The following TUSC3 variants were observed in gnomAD, a reference collection of about 807,000 sequenced individuals.
TUSC3 encodes the protein tumor suppressor candidate 3.
Under a neutral mutation model 44.8 loss-of-function variants are expected in TUSC3, and 45 were observed. The observed-to-expected ratio is 1.00, with a 90% CI of 0.79 to 1.29. The LOEUF is 1.29. TUSC3 is among the 50% of genes most tolerant of loss of function. The probability of loss-of-function intolerance (pLI) is 0.00; values close to 1 mark genes in which losing one functional copy is unlikely to be tolerated. For missense variants in TUSC3, 519 were observed against 437.9 expected (o/e 1.19, Z -1.65); for synonymous variants, 212 against 152.9 (o/e 1.39, Z -2.85).
chr8:15,729,047 T>A (rs896129115), intron 6 of TUSC3, among the ~76,000 whole-genome samples: 1 of 152,132 alleles, frequency 6.6e-6, no homozygotes, highest in Non-Finnish European at 1.5e-5. Flanking sequence ...GAGAAGATAC[T>A]GTTACTGAAA....
chr8:15,652,798 A>G (rs779093415), intron 3 of TUSC3, among the ~76,000 whole-genome samples: 15 of 152,302 alleles, frequency 9.8e-5, no homozygotes, highest in Non-Finnish European at 1.9e-4. Flanking sequence ...TAGATCCAAC[A>G]AGACTGCTAG....
At chr8:15,699,566 A>C (rs1027418067) in intron 6 of TUSC3, among the ~76,000 whole-genome samples, 1 of 152,246 alleles carries the variant, frequency 6.6e-6, no homozygotes, top group Non-Finnish European at 1.5e-5. Context: ...AAAAGATTAT[A>C]TGCAGAAACT....
At position 15,765,075 on chromosome 8, in the gene TUSC3, A is replaced by G. The variant is rs1812290263; in HGVS notation, c.*919A>G. 1 of 152,042 alleles carries G rather than the reference A, an allele frequency of 6.6e-6. No individual in the cohort carries two copies. The highest frequency in any genetic ancestry group is 2.4e-5 in the African/African-American group (1 of 41,434). 9.4% of individuals were successfully genotyped at this position (152,042 alleles called of 1,614,324 possible). A position where few individuals can be genotyped will look rare whatever the true frequency, so the allele number is the denominator to read the frequency against. ...AATGATTCAATGAAGCTTTCTTGAA[A>G]ACAAACATAGGAGTGTAATGTACTA... On this transcript the variant is annotated 3_prime_UTR_variant, in exon 11 of 11. Transcript: ENST00000503731.
At chr8:15,418,664 C>G (rs947904165) in intron 1 of TUSC3, among the ~76,000 whole-genome samples, 1 of 152,090 alleles carries the variant, frequency 6.6e-6, no homozygotes, top group Non-Finnish European at 1.5e-5. Flanking sequence ...AAGGTTAAGA[C>G]GAAGAGCTCA....
chr8:15,452,599 T>A (rs1233338109), intron 1 of TUSC3, among the ~76,000 whole-genome samples: 1 of 152,208 alleles, frequency 6.6e-6, no homozygotes, highest in African/African-American at 2.4e-5. Context: ...AGAAAGCAGA[T>A]AAGCTATAAG....
intron 2 of TUSC3, among the ~76,000 whole-genome samples, chr8:15,490,160 GAAC>G (rs1353454387): frequency 1.3e-5 from 2 of 152,090 alleles, no homozygotes; most frequent in African/African-American, 4.8e-5. Context: ...GGAAAAGCTA[GAAC>G]AACAAACAAG....
chr8:15,753,625 T>C (rs1811800633), intron 9 of TUSC3, among the ~76,000 whole-genome samples: 1 of 152,098 alleles, frequency 6.6e-6, no homozygotes, highest in Non-Finnish European at 1.5e-5. Context: ...TGGAGTCATC[T>C]TTTTATTCCA....
At chr8:15,709,353 A>G (rs1249530287) in intron 6 of TUSC3, among the ~76,000 whole-genome samples, 2 of 151,966 alleles carry the variant, frequency 1.3e-5, no homozygotes, top group East Asian at 3.9e-4. Flanking sequence ...CCCCAATCCA[A>G]GTATGAGATA....
chr8:15,580,813 G>A (rs1275298555), intron 1 of TUSC3, among the ~76,000 whole-genome samples: 5 of 140,858 alleles, frequency 3.5e-5, no homozygotes, highest in African/African-American at 5.6e-5. Flanking sequence ...TGCTCTTCTC[G>A]AGGAGTATCT....
At chr8:15,616,451 G>A (rs1804991247) in intron 1 of TUSC3, among the ~76,000 whole-genome samples, 2 of 152,260 alleles carry the variant, frequency 1.3e-5, no homozygotes, top group South Asian at 4.1e-4. Context: ...GGTGGCTCAC[G>A]CCTGTAATCA....
intron 2 of TUSC3, among the ~76,000 whole-genome samples, chr8:15,524,496 C>G (rs985306760): frequency 1.3e-4 from 19 of 151,982 alleles, no homozygotes; most frequent in African/African-American, 4.6e-4. Context: ...ATATTAAAGC[C>G]TATATTTTTT....
chr8:15,445,967 G>A (rs548975048), intron 1 of TUSC3, among the ~76,000 whole-genome samples: 9 of 149,330 alleles, frequency 6.0e-5, no homozygotes, highest in Non-Finnish European at 8.9e-5. Context: ...CCCACCTCGC[G>A]GATGGGGCAG....
At chr8:15,433,631 T>G (rs1225461162) in intron 1 of TUSC3, among the ~76,000 whole-genome samples, 2 of 152,028 alleles carry the variant, frequency 1.3e-5, no homozygotes, top group Admixed American at 1.3e-4. Flanking sequence ...AGCGTTCCTC[T>G]GATCTTTACT....
intron 1 of TUSC3, among the ~76,000 whole-genome samples, chr8:15,425,727 G>C (rs78423753): frequency 0.052 from 7,859 of 152,280 alleles, 238 homozygotes; most frequent in Middle Eastern, 0.088. Context: ...TCATGGCTTT[G>C]ATCTCATGGC....
intron 2 of TUSC3, among the ~76,000 whole-genome samples, chr8:15,636,042 C>T (rs1468209661): frequency 1.3e-5 from 2 of 152,172 alleles, no homozygotes; most frequent in African/African-American, 2.4e-5. Flanking sequence ...CCAGTGGCAA[C>T]AGTCAGTACA....
chr8:15,767,716 G>T (rs1011530724), downstream of TUSC3, among the ~76,000 whole-genome samples: 1 of 151,960 alleles, frequency 6.6e-6, no homozygotes, highest in African/African-American at 2.4e-5. Flanking sequence ...ACCTATCTAG[G>T]GTCTTGCCTT....
At chr8:15,454,582 C>A (rs141649301) in intron 1 of TUSC3, among the ~76,000 whole-genome samples, 2 of 152,180 alleles carry the variant, frequency 1.3e-5, no homozygotes, top group Non-Finnish European at 2.9e-5. Context: ...CCATCAGGAA[C>A]AGAAGTTTCT....
intron 5 of TUSC3, among the ~76,000 whole-genome samples, chr8:15,663,756 C>T (rs573258054): frequency 1.3e-5 from 2 of 151,828 alleles, no homozygotes; most frequent in Non-Finnish European, 2.9e-5. Context: ...TATGGATGAT[C>T]TTAATTACCT....
At chr8:15,546,760 C>T (rs1419151988) in intron 1 of TUSC3, among the ~76,000 whole-genome samples, 3 of 151,576 alleles carry the variant, frequency 2.0e-5, no homozygotes, top group Admixed American at 1.3e-4. Context: ...GTCTGTAACT[C>T]CCGACCTCAG....
Sources: gnomAD v4.1 joint callset for allele counts (sites outside exome capture counted in the v4.1 genomes callset) on GRCh38, gnomAD v4.1.1 for gene constraint, MANE v1.5 for transcripts, NCBI Gene and HGNC (gene_info 2026-07-23, HGNC 2026-07-21) for gene names.